LAMA3: variants seen among roughly 807,000 people sequenced by gnomAD.
The protein encoded by LAMA3 is laminin subunit alpha-3.
In LAMA3, 281 loss-of-function variants were observed where a neutral mutation model predicts 402.0. The observed-to-expected ratio is 0.70, with a 90% CI of 0.63 to 0.77. LAMA3 has a LOEUF of 0.77. Among genes scored for constraint, LAMA3 ranks in the 30% least tolerant of loss-of-function variants. The pLI is 0.00. For missense variants in LAMA3, 3,840 were observed against 4,215.5 expected (o/e 0.91, Z 2.47); for synonymous variants, 1,431 against 1,558.4 (o/e 0.92, Z 1.93).
At chr18:23,805,318 T>C (rs2062941780) in intron 12 of LAMA3, among the ~76,000 whole-genome samples, 1 of 152,176 alleles carries the variant, frequency 6.6e-6, no homozygotes, top group African/African-American at 2.4e-5. Context: ...ATGAATCGAA[T>C]GGGCAAGCAG....
intron 12 of LAMA3, among the ~76,000 whole-genome samples, chr18:23,796,646 A>G (rs373402057): frequency 1.3e-5 from 2 of 152,156 alleles, no homozygotes; most frequent in East Asian, 1.9e-4. Flanking sequence ...CTCTTATTTT[A>G]AATGGTTGGA....
chr18:23,763,277 CT>C (rs1244642853), intron 7 of LAMA3, 127 bp from the exon 8 acceptor site: 1 of 704,104 alleles, frequency 1.4e-6, no homozygotes, highest in African/African-American at 1.8e-5. Context: ...AAATTTTCCC[CT>C]AAGAGTGTCC....
chr18:23,912,502 T>C (rs796801640), intron 55 of LAMA3, among the ~76,000 whole-genome samples: 13 of 152,312 alleles, frequency 8.5e-5, no homozygotes, highest in African/African-American at 3.1e-4. Flanking sequence ...AAATGCCTTA[T>C]GACACAGCTC....
intron 6 of LAMA3, among the ~76,000 whole-genome samples, chr18:23,755,247 G>A (rs1039194853): frequency 4.6e-5 from 7 of 152,184 alleles, no homozygotes; most frequent in African/African-American, 1.7e-4. Flanking sequence ...ATCACAGAGG[G>A]CATGAGCTTC....
chr18:23,791,597 C>T (rs900291179), intron 12 of LAMA3, among the ~76,000 whole-genome samples: 2 of 151,772 alleles, frequency 1.3e-5, no homozygotes, highest in Non-Finnish European at 2.9e-5. Context: ...AGCCAGGCAT[C>T]GTGGTGCATG....
chr18:23,807,079 G>T (rs1006166069), intron 12 of LAMA3, among the ~76,000 whole-genome samples: 6 of 152,166 alleles, frequency 3.9e-5, no homozygotes, highest in African/African-American at 1.4e-4. Flanking sequence ...ATGACTATCA[G>T]TGCTTTATTC....
chr18:23,954,540 A>C lies in LAMA3; in HGVS notation c.9894A>C (p.Ser3298=). 1 of 1,613,982 alleles carries C rather than the reference A, an allele frequency of 6.2e-7. No individual in the cohort carries two copies. The highest frequency in any genetic ancestry group is 8.5e-7 in the Non-Finnish European group (1 of 1,180,006). ...LTTLRIPVWK[S]FFGCLRNIHV... Reference sequence around the variant, plus strand: ...CACTGAGGATCCCTGTGTGGAAATCATTCTTTGGCTGTCTGAGGAATATTC... The same window carrying C: ...CACTGAGGATCCCTGTGTGGAAATCCTTCTTTGGCTGTCTGAGGAATATTC... Residue 3298 remains serine (S), a synonymous_variant, in exon 75 of 75, where the codon TCA becomes TCC. Transcript: ENST00000313654.
chr18:23,908,568 AAAAG>A (rs1341270832), intron 54 of LAMA3, among the ~76,000 whole-genome samples: 4 of 151,516 alleles, frequency 2.6e-5, no homozygotes, highest in African/African-American at 4.8e-5. Context: ...GAAAGAAAGA[AAAAG>A]AATCAGAAAA....
rs1185362608 is a variant in LAMA3, at chr18:23,936,443, T to C, written c.8862+2508T>C. 2.9e-5 allele frequency among the ~76,000 whole-genome samples: 4 copies of C among 138,434 alleles called. No individual in the cohort carries two copies. The South Asian group carries it at 7.6e-4, about 26-fold the overall frequency. The allele number at this position is 138,434 out of a possible 152,430, so 90.8% of individuals were successfully genotyped here. ...TGACGTTCCCCTTCCTGTGTCCAAG[T>C]GTTCAAACTTAAGACTCTTAAGCAC... On this transcript the variant is annotated intron_variant, in intron 67 of 74. Transcript: ENST00000313654.
At chr18:23,949,958 C>T (rs2082847571) in intron 71 of LAMA3, 34 bp downstream of exon 71, 1 of 1,613,816 alleles carries the variant, frequency 6.2e-7, no homozygotes, top group African/African-American at 1.3e-5. Flanking sequence ...TAAGTCTTTG[C>T]ATCTTAAGAA....
chr18:23,953,217 G>A (rs1427919279), intron 74 of LAMA3, 108 bp downstream of exon 74: 1 of 1,449,850 alleles, frequency 6.9e-7, no homozygotes, highest in South Asian at 1.2e-5. Context: ...AGATGGTGAG[G>A]CCCTTTGCAC....
At chr18:23,776,311 CCT>C (rs2062318058) in intron 10 of LAMA3, among the ~76,000 whole-genome samples, 1 of 152,126 alleles carries the variant, frequency 6.6e-6, no homozygotes, top group African/African-American at 2.4e-5. Context: ...GGAAACGTTT[CCT>C]CTCTCCTGCT....
intron 2 of LAMA3, among the ~76,000 whole-genome samples, chr18:23,744,831 CAAA>C (rs755527455): frequency 9.7e-5 from 3 of 31,072 alleles, no homozygotes; most frequent in Admixed American, 3.2e-4. Context: ...GACTCTGTCT[CAAA>C]AAAAAAAAAA....
intron 18 of LAMA3, among the ~76,000 whole-genome samples, chr18:23,819,138 A>G (rs2063232744): frequency 6.6e-6 from 1 of 150,670 alleles, no homozygotes; most frequent in Admixed American, 6.6e-5. Flanking sequence ...CATTAATCCC[A>G]CTAACTGCTA....
intron 20 of LAMA3, 63 bp downstream of exon 20, chr18:23,822,438 T>C (rs2063305012): frequency 6.5e-7 from 1 of 1,537,452 alleles, no homozygotes. Flanking sequence ...TGAAACACTT[T>C]CTCTGATTTT....
chr18:23,711,365 G>A (rs183542250), intron 1 of LAMA3, among the ~76,000 whole-genome samples: 3 of 152,138 alleles, frequency 2.0e-5, no homozygotes, highest in Non-Finnish European at 2.9e-5. Context: ...AAGGGCTAAC[G>A]TGAGTGCTAA....
intron 32 of LAMA3, among the ~76,000 whole-genome samples, chr18:23,855,133 G>A (rs1267094444): frequency 2.6e-5 from 4 of 152,222 alleles, no homozygotes; most frequent in Non-Finnish European, 4.4e-5. Context: ...CACCAATGGC[G>A]TTCAGTGTGT....
intron 12 of LAMA3, among the ~76,000 whole-genome samples, chr18:23,797,346 A>G (rs957748115): frequency 6.6e-6 from 1 of 152,184 alleles, no homozygotes; most frequent in African/African-American, 2.4e-5. Context: ...ATGGCCCACA[A>G]TGGTGTATCA....
chr18:23,899,106 A>G (rs1375151704), intron 46 of LAMA3, 41 bp downstream of exon 46: 13 of 1,481,050 alleles, frequency 8.8e-6, no homozygotes, highest in Non-Finnish European at 1.1e-5. Context: ...TTTTTTGGTT[A>G]CATAACCTTC....
Sources: gnomAD v4.1 joint callset for allele counts (sites outside exome capture counted in the v4.1 genomes callset) on GRCh38, gnomAD v4.1.1 for gene constraint, MANE v1.5 for transcripts, NCBI Gene and HGNC (gene_info 2026-07-23, HGNC 2026-07-21) for gene names.